The following PITPNB variants were observed in gnomAD, a reference collection of about 807,000 sequenced individuals.
PITPNB encodes phosphatidylinositol transfer protein beta isoform.
In PITPNB, 16 loss-of-function variants were observed where a neutral mutation model predicts 45.9. The observed-to-expected ratio is 0.35, with a 90% CI of 0.24 to 0.53. PITPNB has a LOEUF of 0.53. PITPNB is among the 20% of genes least tolerant of loss of function. PITPNB has a pLI of 0.93. For missense variants in PITPNB, 188 were observed against 330.5 expected (o/e 0.57, Z 3.34); for synonymous variants, 112 against 108.9 (o/e 1.03, Z -0.18).
At chr22:27,871,677 G>A (rs1934662837) in intron 8 of PITPNB, among the ~76,000 whole-genome samples, 2 of 152,196 alleles carry the variant, frequency 1.3e-5, no homozygotes, top group African/African-American at 4.8e-5. Flanking sequence ...CATCAAGCAG[G>A]CTGAATTTGT....
intron 4 of PITPNB, 120 bp from the exon 5 acceptor site, chr22:27,897,257 A>T: frequency 1.3e-6 from 1 of 771,454 alleles, no homozygotes; most frequent in Non-Finnish European, 2.3e-6. Flanking sequence ...AAAACAGAAC[A>T]TTTATTTAGT....
chr22:27,861,715 G>A lies in PITPNB; in HGVS notation c.535-1474C>T, dbSNP rs143167858. 1.4e-4 allele frequency among the ~76,000 whole-genome samples: 21 copies of A among 152,260 alleles called. No homozygotes were observed. In the East Asian group the frequency reaches 3.7e-3, roughly 27 times the overall value. ...GGGAAAAGAGCCATTCTGTAAACTT[G>A]AAGCCCCAGTGTTGGTGTGCTTACA... On this transcript the variant is annotated intron_variant, in intron 8 of 11. Transcript: ENST00000335272.
At position 27,881,116 on chromosome 22, in the gene PITPNB, T is replaced by C. The variant is rs116317887; in HGVS notation, c.457-7301A>G. Among the ~76,000 whole-genome samples the C allele has an allele frequency of 1.9e-3, 282 of 152,352 alleles. 2 individuals are homozygous for C. The highest frequency in any genetic ancestry group is 6.5e-3 in the African/African-American group (270 of 41,584). ...TGTAGGAAACATTTTCACATTTCTTTTTAATAGAAAACATGCCTACATTTA... is the reference window on the plus strand; with the variant it reads ...TGTAGGAAACATTTTCACATTTCTTCTTAATAGAAAACATGCCTACATTTA... On this transcript the variant is annotated intron_variant, in intron 7 of 11. Coordinates refer to ENST00000335272, the MANE Select transcript of PITPNB (RefSeq NM_012399.5).
intron 7 of PITPNB, among the ~76,000 whole-genome samples, chr22:27,882,518 A>G (rs1454089986): frequency 6.6e-6 from 1 of 152,252 alleles, no homozygotes; most frequent in African/African-American, 2.4e-5. Context: ...TTAAAGACCA[A>G]TTCAGTTTCT....
At chr22:27,866,094 T>A (rs1934476297) in intron 8 of PITPNB, among the ~76,000 whole-genome samples, 1 of 152,112 alleles carries the variant, frequency 6.6e-6, no homozygotes, top group African/African-American at 2.4e-5. Flanking sequence ...AAAGGACAAC[T>A]TAAAAAGGTA....
At chr22:27,890,064 C>T (rs1345279127) in intron 7 of PITPNB, among the ~76,000 whole-genome samples, 1 of 151,988 alleles carries the variant, frequency 6.6e-6, no homozygotes, top group East Asian at 1.9e-4. Flanking sequence ...AGTGTAGGGG[C>T]AGCTGTCAAT....
chr22:27,881,600 G>A (rs1934974505), intron 7 of PITPNB, among the ~76,000 whole-genome samples: 1 of 152,234 alleles, frequency 6.6e-6, no homozygotes, highest in South Asian at 2.1e-4. Flanking sequence ...CTCAGCCACA[G>A]ACTTCTAATA....
At chr22:27,911,147 T>C (rs968699723) in intron 2 of PITPNB, 38 bp from the exon 3 acceptor site, 5 of 1,529,616 alleles carry the variant, frequency 3.3e-6, no homozygotes, top group African/African-American at 2.7e-5. Context: ...AGTAAGTCAG[T>C]AGTAACTGCA....
intron 1 of PITPNB, among the ~76,000 whole-genome samples, chr22:27,915,139 A>C (rs755628183): frequency 2.0e-5 from 3 of 152,216 alleles, no homozygotes; most frequent in Admixed American, 1.3e-4. Context: ...ATAAATCCTG[A>C]AAACCAAGAA....
chr22:27,899,570 G>A (rs576831066), intron 3 of PITPNB, among the ~76,000 whole-genome samples: 2 of 152,074 alleles, frequency 1.3e-5, no homozygotes, highest in African/African-American at 2.4e-5. Flanking sequence ...TGATCCGCCC[G>A]CCTTGGCCTC....
chr22:27,918,206 G>C (rs1569040155), intron 1 of PITPNB, among the ~76,000 whole-genome samples: 1 of 152,172 alleles, frequency 6.6e-6, no homozygotes. Context: ...TCAGAGAAGT[G>C]CATCAGTGAC....
At chr22:27,890,786 C>A (rs1186313894) in intron 7 of PITPNB, among the ~76,000 whole-genome samples, 1 of 152,188 alleles carries the variant, frequency 6.6e-6, no homozygotes, top group African/African-American at 2.4e-5. Flanking sequence ...TGCACTCCAG[C>A]CTGGGCGACA....
At position 27,862,135 on chromosome 22, in the gene PITPNB, C is replaced by T. The variant is rs566944181; in HGVS notation, c.535-1894G>A. ...GGGTGCTGCCACCACTGCTTGTCAGCTTCAACTTACCAGCTTCAACTCATC... is the reference window on the plus strand; with the variant it reads ...GGGTGCTGCCACCACTGCTTGTCAGTTTCAACTTACCAGCTTCAACTCATC... On this transcript the variant is annotated intron_variant, in intron 8 of 11. Coordinates refer to ENST00000335272, the MANE Select transcript of PITPNB (RefSeq NM_012399.5). 2.0e-5 allele frequency among the ~76,000 whole-genome samples: 3 copies of T among 152,254 alleles called. No individual in the cohort carries two copies. The South Asian group carries it at 6.2e-4, about 32-fold the overall frequency.
chr22:27,918,665 T>C (rs561189363), intron 1 of PITPNB, among the ~76,000 whole-genome samples: 7 of 152,288 alleles, frequency 4.6e-5, no homozygotes, highest in Middle Eastern at 3.4e-3. Flanking sequence ...CACCACGAAC[T>C]TCAAGGCGCC....
intron 10 of PITPNB, 131 bp from the exon 11 acceptor site, chr22:27,855,070 T>C: frequency 1.6e-6 from 1 of 628,022 alleles, no homozygotes; most frequent in Non-Finnish European, 2.8e-6. Context: ...AAGAATGAAG[T>C]TCTGTGGCCC....
At chr22:27,911,270 C>A (rs188144209) in intron 2 of PITPNB, among the ~76,000 whole-genome samples, 161 bp from the exon 3 acceptor site, 2 of 152,136 alleles carry the variant, frequency 1.3e-5, no homozygotes, top group African/African-American at 2.4e-5. Context: ...GAAATTAATA[C>A]GTTTAGGAAG....
At chr22:27,891,014 C>A (rs1182112684) in intron 7 of PITPNB, among the ~76,000 whole-genome samples, 1 of 152,082 alleles carries the variant, frequency 6.6e-6, no homozygotes, top group African/African-American at 2.4e-5. Flanking sequence ...TATGAAATAT[C>A]CAGAATAGGC....
chr22:27,868,331 C>T (rs1403508661), intron 8 of PITPNB, among the ~76,000 whole-genome samples: 1 of 152,222 alleles, frequency 6.6e-6, no homozygotes, highest in Non-Finnish European at 1.5e-5. Flanking sequence ...ATTTCAACTT[C>T]TCCCTCATCA....
At chr22:27,898,756 C>A (rs1436859804) in intron 3 of PITPNB, among the ~76,000 whole-genome samples, 1 of 152,018 alleles carries the variant, frequency 6.6e-6, no homozygotes, top group Non-Finnish European at 1.5e-5. Context: ...TAAGTATATT[C>A]AGAGGAAGAG....
Sources: allele counts gnomAD v4.1 joint callset (sites outside exome capture counted in the v4.1 genomes callset), GRCh38; gene constraint gnomAD v4.1.1; transcripts MANE v1.5; gene names NCBI Gene and HGNC (gene_info 2026-07-23, HGNC 2026-07-21).